Variants in MYZAP observed in about 807,000 individuals in gnomAD.
The protein encoded by MYZAP is GRINL1A complex locus upstream.
A neutral mutation model predicts 69.4 loss-of-function variants in MYZAP; 66 were observed. The observed-to-expected ratio is 0.95, with a 90% CI of 0.78 to 1.17. MYZAP has a LOEUF of 1.17. Among genes scored for constraint, MYZAP ranks in the 50% most tolerant of loss-of-function variants. MYZAP has a pLI of 0.00. For missense variants in MYZAP, 611 were observed against 556.2 expected (o/e 1.10, Z -0.99); for synonymous variants, 256 against 205.9 (o/e 1.24, Z -2.09).
intron 1 of MYZAP, among the ~76,000 whole-genome samples, chr15:57,601,274 T>G (rs866593966): frequency 1.3e-5 from 2 of 148,248 alleles, no homozygotes; most frequent in Non-Finnish European, 3.0e-5. Flanking sequence ...GTGTGCACAC[T>G]TGTGTGTGTG....
rs2037769661 is a variant in MYZAP, at chr15:57,652,341, A to T, written c.1120-9109A>T. Among the ~76,000 whole-genome samples the T allele has an allele frequency of 2.6e-5, 4 of 152,314 alleles. No individual in the cohort carries two copies. In the South Asian group the frequency reaches 8.3e-4, roughly 32 times the overall value. On this transcript the variant is annotated intron_variant, in intron 10 of 12. Coordinates refer to ENST00000267853, the MANE Select transcript of MYZAP (RefSeq NM_001018100.5). ...CTTTCATGCTGCATTAGTGCAGGGC[A>T]GATTCTGATCTTGTCATATTTCTCT...
chr15:57,666,153 A>G (rs1474571743), intron 11 of MYZAP, among the ~76,000 whole-genome samples: 1 of 152,226 alleles, frequency 6.6e-6, no homozygotes, highest in African/African-American at 2.4e-5. Flanking sequence ...TTATCTGTGC[A>G]TGACCTTGGG....
At chr15:57,617,980 G>T in intron 2 of MYZAP, 53 bp from the exon 3 acceptor site, 1 of 1,575,916 alleles carries the variant, frequency 6.3e-7, no homozygotes, top group South Asian at 1.2e-5. Flanking sequence ...TTACAACTGT[G>T]CATGAGGCCT....
chr15:57,662,842 T>C (rs1228030566), intron 11 of MYZAP, among the ~76,000 whole-genome samples: 1 of 152,104 alleles, frequency 6.6e-6, no homozygotes, highest in East Asian at 1.9e-4. Context: ...TTTACTCTGT[T>C]TTTGAGGGGT....
At chr15:57,683,444 A>T (rs1404182628) in intron 12 of MYZAP, among the ~76,000 whole-genome samples, 1 of 152,200 alleles carries the variant, frequency 6.6e-6, no homozygotes, top group Non-Finnish European at 1.5e-5. Context: ...AACACAGTAC[A>T]TGAAAATTTT....
intron 11 of MYZAP, among the ~76,000 whole-genome samples, chr15:57,662,216 T>C (rs2038345551): frequency 6.6e-6 from 1 of 152,232 alleles, no homozygotes; most frequent in South Asian, 2.1e-4. Context: ...ATCTATTTGC[T>C]CTAAAGGTTC....
chr15:57,651,198 T>C (rs1225753419), intron 10 of MYZAP, among the ~76,000 whole-genome samples: 2 of 152,172 alleles, frequency 1.3e-5, no homozygotes, highest in East Asian at 1.9e-4. Context: ...AAAATGCAAT[T>C]TTTTAGCATC....
intron 1 of MYZAP, 62 bp from the exon 2 acceptor site, chr15:57,604,207 A>G (rs1237607116): frequency 2.0e-5 from 32 of 1,571,038 alleles, no homozygotes; most frequent in Non-Finnish European, 2.4e-5. Context: ...GCCCAAGGTC[A>G]TCTGGCTCTT....
At chr15:57,626,011 C>A in intron 5 of MYZAP, 119 bp downstream of exon 5, 3 of 886,556 alleles carry the variant, frequency 3.4e-6, no homozygotes, top group South Asian at 1.5e-5. Flanking sequence ...ATTCTTTAAG[C>A]AGAACCACTG....
In MYZAP at chr15:57,646,188, T is replaced by C. The variant is rs1192265703; in HGVS notation, c.1119+6643T>C. The C allele has an allele frequency of 3.9e-6, 5 of 1,289,110 alleles. No homozygotes were observed. In the African/African-American group the frequency reaches 7.6e-5, roughly 20 times the overall value. 79.9% of individuals were successfully genotyped at this position (1,289,110 alleles called of 1,614,324 possible). A position where few individuals can be genotyped will look rare whatever the true frequency, so the allele number is the denominator to read the frequency against. On this transcript the variant is annotated intron_variant, in intron 10 of 12. Coordinates refer to ENST00000267853, the MANE Select transcript of MYZAP (RefSeq NM_001018100.5). The stretch of plus-strand genomic sequence containing the variant: ...ATTTAGTCTCCGGCTCTTTGGAAGA[T>C]GATAAGTTGGTAGCCTGCTCTGGGT...
At chr15:57,672,501 G>A (rs762487421) in intron 11 of MYZAP, among the ~76,000 whole-genome samples, 2 of 113,584 alleles carry the variant, frequency 1.8e-5, no homozygotes, top group African/African-American at 3.0e-5. Context: ...CAGGATCAGT[G>A]TGTTGAGTGC....
intron 11 of MYZAP, among the ~76,000 whole-genome samples, chr15:57,674,602 C>T (rs1201322331): frequency 1.3e-5 from 2 of 152,034 alleles, no homozygotes; most frequent in Non-Finnish European, 2.9e-5. Flanking sequence ...AATAATGTAT[C>T]CATAGAATGG....
chr15:57,634,693 T>C (rs934736167), intron 8 of MYZAP, among the ~76,000 whole-genome samples: 6 of 152,262 alleles, frequency 3.9e-5, no homozygotes, highest in Non-Finnish European at 8.8e-5. Context: ...AATTCAGTTC[T>C]GTGGAGCTTC....
chr15:57,600,104 T>C (rs1262173271), intron 1 of MYZAP, among the ~76,000 whole-genome samples: 1 of 152,208 alleles, frequency 6.6e-6, no homozygotes, highest in African/African-American at 2.4e-5. Flanking sequence ...TTTAAAAAAT[T>C]AAAATGGGAT....
intron 11 of MYZAP, among the ~76,000 whole-genome samples, chr15:57,669,081 G>T (rs113370588): frequency 0.065 from 9,915 of 151,864 alleles, 398 homozygotes; most frequent in Middle Eastern, 0.13. Context: ...AGTAGAGATG[G>T]TTTCACCACG....
At chr15:57,667,310 T>G (rs563248966) in intron 11 of MYZAP, among the ~76,000 whole-genome samples, 36 of 152,254 alleles carry the variant, frequency 2.4e-4, no homozygotes, top group African/African-American at 8.4e-4. Flanking sequence ...AGGGGAATGG[T>G]GGGGGAGGTG....
At chr15:57,628,810 C>A (rs189981357) in intron 5 of MYZAP, among the ~76,000 whole-genome samples, 1 of 151,572 alleles carries the variant, frequency 6.6e-6, no homozygotes, top group African/African-American at 2.4e-5. Flanking sequence ...GGAGGCCGGG[C>A]GTGGTGGCTC....
chr15:57,661,724 C>G (rs1324724505), intron 11 of MYZAP, among the ~76,000 whole-genome samples, 191 bp downstream of exon 11: 1 of 152,156 alleles, frequency 6.6e-6, no homozygotes, highest in Non-Finnish European at 1.5e-5. Context: ...TCCCCTCATT[C>G]CAGTTGCTGC....
intron 12 of MYZAP, among the ~76,000 whole-genome samples, chr15:57,677,651 T>C (rs1228388102): frequency 6.6e-6 from 1 of 152,206 alleles, no homozygotes; most frequent in East Asian, 1.9e-4. Flanking sequence ...AATACAAGCA[T>C]TGAATTAAGC....
Sources: allele counts gnomAD v4.1 joint callset (sites outside exome capture counted in the v4.1 genomes callset), GRCh38; gene constraint gnomAD v4.1.1; transcripts MANE v1.5; gene names NCBI Gene and HGNC (gene_info 2026-07-23, HGNC 2026-07-21).